Variants in TACC2 observed in about 807,000 individuals in gnomAD.
The protein encoded by TACC2 is transforming acidic coiled-coil-containing protein 2.
TACC2 carries 137 observed loss-of-function variants against 227.3 expected under a neutral mutation model. The observed-to-expected ratio is 0.60, with a 90% CI of 0.52 to 0.69. TACC2 has a LOEUF of 0.69. Ranked by LOEUF, TACC2 falls within the 30% of genes least tolerant of loss-of-function variation. The pLI, the probability that TACC2 is intolerant of heterozygous loss-of-function variation, is 0.00. For missense variants in TACC2, 3,470 were observed against 3,694.4 expected, an observed-to-expected ratio of 0.94 and a Z score of 1.57; for synonymous variants, 1,523 against 1,487.5, an observed-to-expected ratio of 1.02 and a Z score of -0.55.
At chr10:122,048,954 T>C (rs1230376317) in intron 2 of TACC2, among the ~76,000 whole-genome samples, 1 of 152,250 alleles carries the variant, frequency 6.6e-6, no homozygotes, top group East Asian at 1.9e-4. Context: ...ATTCAGTAAG[T>C]TATTCTGCTG....
chr10:122,040,002 T>G (rs1448311009), intron 2 of TACC2, among the ~76,000 whole-genome samples: 1 of 152,164 alleles, frequency 6.6e-6, no homozygotes, highest in Non-Finnish European at 1.5e-5. Flanking sequence ...TGGGTGCCTT[T>G]TGCAGCAAGC....
At chr10:122,061,000 CAAAAA>C (rs1168443960) in intron 3 of TACC2, among the ~76,000 whole-genome samples, 3 of 130,802 alleles carry the variant, frequency 2.3e-5, no homozygotes, top group African/African-American at 9.8e-5. Context: ...GACTCCATCT[CAAAAA>C]AAAAAAAAAA....
intron 1 of TACC2, among the ~76,000 whole-genome samples, chr10:121,995,419 C>T (rs1015336072): frequency 7.2e-5 from 11 of 152,268 alleles, no homozygotes; most frequent in Admixed American, 1.3e-4. Flanking sequence ...AAAACAGAAA[C>T]GCCCCGACCA....
chr10:122,224,326 C>T (rs988635537), intron 11 of TACC2, among the ~76,000 whole-genome samples: 10 of 152,152 alleles, frequency 6.6e-5, no homozygotes, highest in Admixed American at 6.5e-4. Context: ...TCCAAAACAT[C>T]ATGAGGATGT....
intron 5 of TACC2, 86 bp from the exon 6 acceptor site, chr10:122,132,523 T>C: frequency 2.6e-6 from 4 of 1,541,486 alleles, no homozygotes; most frequent in Non-Finnish European, 3.6e-6. Context: ...CCCTCCAGCC[T>C]GGATAAGAAA....
intron 2 of TACC2, among the ~76,000 whole-genome samples, chr10:122,037,465 C>T (rs1209995868): frequency 1.3e-5 from 2 of 152,332 alleles, no homozygotes; most frequent in East Asian, 3.9e-4. Flanking sequence ...TGAACTTGTG[C>T]CCAGCTCTGT....
intron 3 of TACC2, among the ~76,000 whole-genome samples, chr10:122,055,760 A>G (rs933855940): frequency 1.3e-5 from 2 of 152,260 alleles, no homozygotes; most frequent in Admixed American, 6.5e-5. Flanking sequence ...GATAAGCCCC[A>G]CCTGGGTGGG....
chr10:122,099,611 A>G (rs1235412004), intron 5 of TACC2, among the ~76,000 whole-genome samples: 3 of 152,218 alleles, frequency 2.0e-5, no homozygotes, highest in Non-Finnish European at 4.4e-5. Flanking sequence ...AAGAAGCTGC[A>G]AGCACTGGCC....
chr10:122,121,308 A>G (rs4751873), intron 5 of TACC2, among the ~76,000 whole-genome samples: 101,705 of 152,190 alleles, frequency 0.67, 37,629 homozygotes, highest in South Asian at 0.82. Context: ...CTACAGAAAC[A>G]TTCGCATGAC....
chr10:122,211,439 T>A lies in TACC2; in HGVS notation c.7014T>A (p.Asp2338Glu). 1.9e-6 allele frequency: 3 copies of A among 1,614,148 alleles called. No individual in the cohort carries two copies. The highest frequency in any genetic ancestry group is 2.5e-6 in the Non-Finnish European group (3 of 1,180,034). ...IPIAKGTYTFDIDKWDDPNFN... is the reference protein window; with the variant it reads ...IPIAKGTYTFEIDKWDDPNFN... ...TTGCTAAAGGTACTTACACCTTTGA[T>A]ATTGACAAGTGGGATGACCCCAATT... Residue 2338 changes from aspartate to glutamate, a missense_variant, in exon 9 of 23, where the codon GAT becomes GAA. Asp to Glu is a conservative substitution (Grantham distance 45). Coordinates refer to ENST00000369005, the MANE Select transcript of TACC2 (RefSeq NM_206862.4).
rs59433633 is a variant in TACC2 at position 122,081,378 on chromosome 10, A to AG, written c.147-1269_147-1268insG. On this transcript the variant is annotated intron_variant, in intron 3 of 22. Coordinates refer to ENST00000369005, the MANE Select transcript of TACC2 (RefSeq NM_206862.4). Reference sequence around the variant, plus strand: ...ACTAAAACTACAAAAAAAAAAAAAAATTAGCTGGGCGTGGTGGCGGGCTTC... The same window carrying AG: ...ACTAAAACTACAAAAAAAAAAAAAAAGTTAGCTGGGCGTGGTGGCGGGCTTC... 2.0e-5 allele frequency among the ~76,000 whole-genome samples: 3 copies of AG among 150,786 alleles called. No individual in the cohort carries two copies. In the East Asian group the frequency reaches 5.8e-4, roughly 29 times the overall value.
chr10:122,030,448 C>G (rs1015471199), intron 2 of TACC2, among the ~76,000 whole-genome samples: 3 of 152,128 alleles, frequency 2.0e-5, no homozygotes, highest in Non-Finnish European at 4.4e-5. Flanking sequence ...GCATGAAAGC[C>G]TGTGTCACTG....
chr10:122,086,767 G>T lies in TACC2; in HGVS notation c.4267G>T (p.Ala1423Ser). 6.2e-7 allele frequency: 1 copy of T among 1,613,992 alleles called. No individual in the cohort carries two copies. The highest frequency in any genetic ancestry group is 8.5e-7 in the Non-Finnish European group (1 of 1,180,000). ...GATCTTCGAGAAGCCTGTGCTCGGAGCCCTGGCCACACCTGGAGAAAAGGC... is the reference window on the plus strand; with the variant it reads ...GATCTTCGAGAAGCCTGTGCTCGGATCCCTGGCCACACCTGGAGAAAAGGC... ...AKIFEKPVLGALATPGEKAGA... is the reference protein window; with the variant it reads ...AKIFEKPVLGSLATPGEKAGA... Residue 1423 changes from alanine to serine, a missense_variant, in exon 4 of 23, where the codon GCC becomes TCC. This residue lies in a region of TACC2 where 1,924 missense variants were observed against 1,978.3 expected (regional missense o/e 0.97). Transcript: ENST00000369005.
chr10:122,098,516 T>C (rs908172263), intron 5 of TACC2, among the ~76,000 whole-genome samples: 4 of 152,186 alleles, frequency 2.6e-5, no homozygotes, highest in African/African-American at 9.6e-5. Context: ...TTAGACTCTT[T>C]ACCCTCGAGC....
At chr10:122,035,578 G>A (rs183742802) in intron 2 of TACC2, among the ~76,000 whole-genome samples, 1 of 152,182 alleles carries the variant, frequency 6.6e-6, no homozygotes, top group Admixed American at 6.5e-5. Flanking sequence ...TGGTCGGAGG[G>A]GCTATTTATT....
chr10:122,127,286 T>G (rs10749448), intron 5 of TACC2: 93,171 of 152,666 alleles, frequency 0.61, 32,859 homozygotes, highest in Non-Finnish European at 0.77. Context: ...CTGTCACCCC[T>G]GGAGTGTGTG....
intron 6 of TACC2, among the ~76,000 whole-genome samples, chr10:122,138,861 C>T (rs190792789): frequency 1.3e-5 from 2 of 152,306 alleles, no homozygotes; most frequent in East Asian, 3.9e-4. Flanking sequence ...GCTTCTTGAG[C>T]TGCTTTATCT....
chr10:122,012,783 A>G (rs1956112068), intron 1 of TACC2, among the ~76,000 whole-genome samples: 1 of 151,508 alleles, frequency 6.6e-6, no homozygotes, highest in South Asian at 2.1e-4. Flanking sequence ...AGGGGGCTCC[A>G]GGTGGCTGGA....
intron 7 of TACC2, among the ~76,000 whole-genome samples, chr10:122,169,386 T>G (rs2093354134): frequency 6.6e-6 from 1 of 152,188 alleles, no homozygotes; most frequent in African/African-American, 2.4e-5. Context: ...CTGAGTCCTC[T>G]GGATGGTTTA....
Sources: allele counts gnomAD v4.1 joint callset (sites outside exome capture counted in the v4.1 genomes callset), GRCh38; gene constraint gnomAD v4.1.1; regional missense constraint gnomAD v4.1.1; transcripts MANE v1.5; gene names NCBI Gene and HGNC (gene_info 2026-07-23, HGNC 2026-07-21).